Variants in PALM2AKAP2 observed in about 807,000 individuals in gnomAD.
The protein encoded by PALM2AKAP2 is PALM2 and AKAP2 fusion.
In PALM2AKAP2, 37 loss-of-function variants were observed where a neutral mutation model predicts 71.5. The observed-to-expected ratio is 0.52, with a 90% confidence interval of 0.40 to 0.68. The LOEUF (loss-of-function observed/expected upper bound fraction) is 0.68. PALM2AKAP2 is among the 30% of genes least tolerant of loss of function. PALM2AKAP2 has a pLI of 0.00. For missense variants in PALM2AKAP2, 1,224 were observed against 1,191.8 expected, an observed-to-expected ratio of 1.03 and a Z score of -0.40; for synonymous variants, 468 against 478.8, an observed-to-expected ratio of 0.98 and a Z score of 0.29.
intron 6 of PALM2AKAP2, chr9:109,942,917 C>T: frequency 6.2e-7 from 1 of 1,614,176 alleles, no homozygotes; most frequent in Non-Finnish European, 8.5e-7. Context: ...GCTGGACAAT[C>T]AAGCTTAGGA....
intron 1 of PALM2AKAP2, among the ~76,000 whole-genome samples, chr9:109,714,115 A>G (rs990602817): frequency 6.6e-6 from 1 of 152,232 alleles, no homozygotes; most frequent in African/African-American, 2.4e-5. Context: ...CCATTTCTCC[A>G]TCTGTCTCAG....
At chr9:109,839,073 A>G (rs1828574757) in intron 1 of PALM2AKAP2, among the ~76,000 whole-genome samples, 1 of 152,188 alleles carries the variant, frequency 6.6e-6, no homozygotes, top group East Asian at 1.9e-4. Context: ...CTTGGCAGAG[A>G]CACAACAAAA....
intron 2 of PALM2AKAP2, among the ~76,000 whole-genome samples, chr9:109,877,623 G>A (rs1053631335): frequency 6.6e-6 from 1 of 152,208 alleles, no homozygotes; most frequent in Non-Finnish European, 1.5e-5. Flanking sequence ...ATAGTACTAA[G>A]TATGTGTGTG....
chr9:109,800,317 T>C (rs1241730913), intron 1 of PALM2AKAP2, among the ~76,000 whole-genome samples: 1 of 152,246 alleles, frequency 6.6e-6, no homozygotes, highest in African/African-American at 2.4e-5. Context: ...GGTAAGTGTT[T>C]AGCAAATACT....
intron 1 of PALM2AKAP2, among the ~76,000 whole-genome samples, chr9:109,651,766 G>T (rs1480567374): frequency 6.6e-6 from 1 of 152,160 alleles, no homozygotes; most frequent in African/African-American, 2.4e-5. Context: ...CCCACTGAAA[G>T]ATGTCATTTT....
At chr9:109,743,998 G>C (rs1252204990) in intron 1 of PALM2AKAP2, among the ~76,000 whole-genome samples, 3 of 152,162 alleles carry the variant, frequency 2.0e-5, no homozygotes, top group Non-Finnish European at 2.9e-5. Flanking sequence ...AAACCACAAG[G>C]TCATAGGCAT....
intron 1 of PALM2AKAP2, among the ~76,000 whole-genome samples, chr9:109,858,150 A>T (rs894274694): frequency 6.6e-6 from 1 of 152,142 alleles, no homozygotes; most frequent in Non-Finnish European, 1.5e-5. Context: ...AGTATTTCAG[A>T]CGGAGTTCCA....
intron 1 of PALM2AKAP2, chr9:109,765,553 A>C (rs1829138377): frequency 6.5e-6 from 1 of 153,586 alleles, no homozygotes; most frequent in South Asian, 2.0e-4. Flanking sequence ...GCTGCATAGT[A>C]AAATCACCTG....
intron 7 of PALM2AKAP2, among the ~76,000 whole-genome samples, chr9:110,035,818 TATG>T (rs1369204491): frequency 1.0e-4 from 15 of 146,340 alleles, no homozygotes; most frequent in African/African-American, 2.7e-4. Flanking sequence ...GTAACATATA[TATG>T]ATATGTTGTG....
At chr9:109,948,378 TAAG>T (rs1032028872) in intron 6 of PALM2AKAP2, among the ~76,000 whole-genome samples, 1 of 152,148 alleles carries the variant, frequency 6.6e-6, no homozygotes, top group African/African-American at 2.4e-5. Flanking sequence ...CAGTATAATA[TAAG>T]AAGGTCGGAA....
chr9:109,668,772 A>G (rs1827530152), intron 1 of PALM2AKAP2, among the ~76,000 whole-genome samples: 1 of 152,130 alleles, frequency 6.6e-6, no homozygotes, highest in Non-Finnish European at 1.5e-5. Flanking sequence ...AGGGTATACG[A>G]TGTTATTTGT....
chr9:110,012,652 G>A (rs1466779058), intron 6 of PALM2AKAP2, among the ~76,000 whole-genome samples: 1 of 152,160 alleles, frequency 6.6e-6, no homozygotes, highest in African/African-American at 2.4e-5. Context: ...TGCTATGTCT[G>A]TTTTCTCTCA....
intron 6 of PALM2AKAP2, among the ~76,000 whole-genome samples, chr9:110,012,706 G>A (rs1832906793): frequency 6.6e-6 from 1 of 152,112 alleles, no homozygotes; most frequent in South Asian, 2.1e-4. Flanking sequence ...TTTTCTTGAT[G>A]GAAGACTAAA....
chr9:109,688,823 T>G (rs1333614491), intron 1 of PALM2AKAP2, among the ~76,000 whole-genome samples: 1 of 152,222 alleles, frequency 6.6e-6, no homozygotes, highest in Non-Finnish European at 1.5e-5. Flanking sequence ...TTCATCAGCC[T>G]GCCAAGAAAT....
intron 5 of PALM2AKAP2, among the ~76,000 whole-genome samples, chr9:109,927,839 C>T (rs909588545): frequency 2.6e-5 from 4 of 152,192 alleles, no homozygotes; most frequent in Admixed American, 6.5e-5. Context: ...TCTTGTACAC[C>T]TATAAATTGC....
chr9:109,673,139 C>T (rs1163743579), intron 1 of PALM2AKAP2, among the ~76,000 whole-genome samples: 1 of 151,952 alleles, frequency 6.6e-6, no homozygotes, highest in Non-Finnish European at 1.5e-5. Context: ...TATTTCTTGT[C>T]TTCTGCTAGA....
chr9:109,853,958 A>G (rs1225412520), intron 1 of PALM2AKAP2, among the ~76,000 whole-genome samples: 1 of 152,160 alleles, frequency 6.6e-6, no homozygotes, highest in African/African-American at 2.4e-5. Context: ...AAACAACCCT[A>G]TGAGGCTCTT....
chr9:110,037,168 G>T (rs1833425416), intron 7 of PALM2AKAP2, among the ~76,000 whole-genome samples: 3 of 151,166 alleles, frequency 2.0e-5, no homozygotes, highest in Non-Finnish European at 4.4e-5. Flanking sequence ...TGAACATGGG[G>T]ACTTTCCTTT....
chr9:109,812,161 G>A (rs1457010346), intron 1 of PALM2AKAP2, among the ~76,000 whole-genome samples: 2 of 152,230 alleles, frequency 1.3e-5, no homozygotes, highest in African/African-American at 4.8e-5. Flanking sequence ...GCCAGGATCT[G>A]TCCCATCCAG....
Sources: gnomAD v4.1 joint callset for allele counts (sites outside exome capture counted in the v4.1 genomes callset) on GRCh38, gnomAD v4.1.1 for gene constraint, MANE v1.5 for transcripts, NCBI Gene and HGNC (gene_info 2026-07-23, HGNC 2026-07-21) for gene names.